Variants in MYO5B observed in about 807,000 individuals in gnomAD.
MYO5B encodes the protein myosin VB.
In MYO5B, 143 loss-of-function variants were observed where a neutral mutation model predicts 229.3. The ratio of observed to expected loss-of-function variants is 0.62; its 90% CI spans 0.54 to 0.72. The LOEUF (loss-of-function observed/expected upper bound fraction) is 0.72, where lower values mean the gene tolerates loss of function less well. Ranked by LOEUF, MYO5B falls within the 30% of genes least tolerant of loss-of-function variation. MYO5B has a pLI of 0.00. For missense variants in MYO5B, 2,321 were observed against 2,331.0 expected, an observed-to-expected ratio of 1.00 and a Z score of 0.09; for synonymous variants, 918 against 885.2, an observed-to-expected ratio of 1.04 and a Z score of -0.66.
chr18:49,823,833 G>A lies in MYO5B; in HGVS notation c.*2638C>T, dbSNP rs537047990. On this transcript the variant is annotated 3_prime_UTR_variant, in exon 40 of 40. Coordinates refer to ENST00000285039, the MANE Select transcript of MYO5B (RefSeq NM_001080467.3). ...CATTTACTATAAGTAAACAGGTCCCGTATAATACTTAAAACACAAGTTTTG... is the reference window on the plus strand; with the variant it reads ...CATTTACTATAAGTAAACAGGTCCCATATAATACTTAAAACACAAGTTTTG... 1 of 152,622 alleles carries A rather than the reference G, an allele frequency of 6.6e-6. No individual in the cohort carries two copies. The highest frequency in any genetic ancestry group is 6.5e-5 in the Admixed American group (1 of 15,294). The allele number at this position is 152,622 out of a possible 1,614,324, so 9.5% of individuals were successfully genotyped here. A position where few individuals can be genotyped will look rare whatever the true frequency, so the allele number is the denominator to read the frequency against.
In MYO5B at chr18:49,956,063, A is replaced by G. The variant is rs537480568; in HGVS notation, c.1546-1628T>C. 5.9e-5 allele frequency among the ~76,000 whole-genome samples: 9 copies of G among 152,332 alleles called. No individual in the cohort carries two copies. The South Asian group carries it at 1.9e-3, about 32-fold the overall frequency. On this transcript the variant is annotated intron_variant, in intron 12 of 39. Transcript: ENST00000285039. The stretch of plus-strand genomic sequence containing the variant: ...TATTCACTAATTCAGATTGGCATGA[A>G]TTAATAAGCAGAGGAAACCAACAAC...
chr18:49,862,469 G>A (rs932261927), intron 29 of MYO5B, among the ~76,000 whole-genome samples: 7 of 152,192 alleles, frequency 4.6e-5, no homozygotes, highest in Non-Finnish European at 1.0e-4. Context: ...GAAGGATGCC[G>A]CTATGGCTGT....
chr18:49,968,981 C>T lies in MYO5B; in HGVS notation c.1322+5369G>A, dbSNP rs540366615. Among the ~76,000 whole-genome samples, 15 of 152,272 alleles carry T rather than the reference C, an allele frequency of 9.9e-5. No homozygotes were observed. The East Asian group carries it at 1.4e-3, about 14-fold the overall frequency. Reference sequence around the variant, plus strand: ...TCCAAAGGGCCACCTCAGAACAATTCGGGAAGGTGGAGCCTGGCTTTAGAG... The same window carrying T: ...TCCAAAGGGCCACCTCAGAACAATTTGGGAAGGTGGAGCCTGGCTTTAGAG... On this transcript the variant is annotated intron_variant, in intron 10 of 39. Coordinates refer to ENST00000285039, the MANE Select transcript of MYO5B (RefSeq NM_001080467.3).
intron 37 of MYO5B, 70 bp downstream of exon 37, chr18:49,837,447 T>A (rs1173664491): frequency 6.4e-7 from 1 of 1,558,564 alleles, no homozygotes; most frequent in Non-Finnish European, 8.8e-7. Flanking sequence ...AGCAGTCTTG[T>A]GTTCTGATTC....
At chr18:49,994,435 A>G (rs1178708812) in intron 5 of MYO5B, among the ~76,000 whole-genome samples, 1 of 152,248 alleles carries the variant, frequency 6.6e-6, no homozygotes, top group Non-Finnish European at 1.5e-5. Context: ...TGGAGTCACA[A>G]TATACACTTT....
intron 1 of MYO5B, among the ~76,000 whole-genome samples, chr18:50,185,915 C>T (rs1368264944): frequency 1.3e-5 from 2 of 152,124 alleles, no homozygotes; most frequent in African/African-American, 2.4e-5. Context: ...TGGCATGATC[C>T]CATTTGTTTT....
At chr18:49,913,982 C>T (rs146931338) in intron 17 of MYO5B, among the ~76,000 whole-genome samples, 260 of 152,164 alleles carry the variant, frequency 1.7e-3, no homozygotes, top group African/African-American at 5.9e-3. Context: ...CTGCTTCCAG[C>T]TCCCCATCCA....
chr18:49,869,158 G>C (rs1002291265), intron 27 of MYO5B, among the ~76,000 whole-genome samples: 4 of 152,224 alleles, frequency 2.6e-5, no homozygotes, highest in African/African-American at 9.7e-5. Context: ...GGAGGGCACA[G>C]TACACTTCCC....
chr18:49,835,549 A>G (rs1178103148), intron 38 of MYO5B, 125 bp from the exon 39 acceptor site: 1 of 710,344 alleles, frequency 1.4e-6, no homozygotes, highest in East Asian at 2.6e-5. Context: ...CACAACACAG[A>G]TGGAGCTGGA....
chr18:49,930,941 C>G (rs11082792), intron 16 of MYO5B, among the ~76,000 whole-genome samples: 10,977 of 151,478 alleles, frequency 0.072, 917 homozygotes, highest in East Asian at 0.3. Context: ...AGCAAGACAT[C>G]ACCATTGTCT....
At chr18:49,943,621 T>C (rs1194922987) in intron 14 of MYO5B, among the ~76,000 whole-genome samples, 2 of 152,196 alleles carry the variant, frequency 1.3e-5, no homozygotes, top group Admixed American at 6.5e-5. Context: ...ATTCATTCAT[T>C]CATCCACACA....
Position 50,139,766 on chromosome 18 carries a change from C to T in MYO5B, c.27+55001G>A, listed in dbSNP as rs898448889. On this transcript the variant is annotated intron_variant, in intron 1 of 39. Transcript: ENST00000285039. ...GCAGCCCACCAGCTCCAAAGCAAAG[C>T]AGCAGGTCCGGCAGGCAGAACCACC... is the stretch of plus-strand genomic sequence containing the variant. Among the ~76,000 whole-genome samples, 6 of 152,146 alleles carry T rather than the reference C, an allele frequency of 3.9e-5. 1 individual carries two copies. Among genetic ancestry groups the T allele is most frequent in the Middle Eastern group, 3.2e-3 (1 of 316 alleles).
rs776347920 is a variant in MYO5B, at chr18:50,055,339, G to C, written c.67C>G (p.Arg23Gly). ...VWIPDPDEVW[R>G]SAELTKDYKE... ...TAGTCCTTGGTTAACTCAGCTGAGC[G>C]CCATACCTCATCAGGGTCAGGGATC... The change falls in exon 2 of 40, where the codon CGC becomes GGC. Residue 23 changes from arginine (R) to glycine (G), a missense_variant. Transcript: ENST00000285039. 8.7e-6 allele frequency: 14 copies of C among 1,613,256 alleles called. No homozygotes were observed. Among genetic ancestry groups the C allele is most frequent in the Non-Finnish European group, 1.2e-5 (14 of 1,179,936 alleles).
rs2025467858 is a variant in MYO5B at position 49,954,366 on chromosome 18, G to A, written c.1615C>T (p.Gln539Ter). 2 of 1,614,098 alleles carry A rather than the reference G, an allele frequency of 1.2e-6. No individual in the cohort carries two copies. Among genetic ancestry groups the A allele is most frequent in the Non-Finnish European group, 8.5e-7 (1 of 1,179,990 alleles). ...YDRHSSSQHFQKPRMSNTAFI... is the reference protein window; with the variant it reads ...YDRHSSSQHF ...GCCGTGTTGGACATGCGGGGCTTCT[G>A]GAAGTGCTGGCTGCTGGAGTGCCGG... Residue 539 changes from glutamine (Q) to a stop codon, truncating the protein, a stop_gained, in exon 13 of 40, where the codon CAG (glutamine) becomes TAG (stop). Transcript: ENST00000285039. LOFTEE classifies it high-confidence loss of function.
chr18:50,037,463 A>T (rs959590443), intron 3 of MYO5B, among the ~76,000 whole-genome samples: 1 of 152,220 alleles, frequency 6.6e-6, no homozygotes, highest in Admixed American at 6.5e-5. Flanking sequence ...TACAATTTAC[A>T]TATCTTGAGA....
In MYO5B at chr18:49,902,735, G is replaced by T; in HGVS notation, c.2670C>A (p.Ile890=). 1 of 1,609,738 alleles carries T rather than the reference G, an allele frequency of 6.2e-7. No individual in the cohort carries two copies. Residue 890 remains isoleucine (I), a synonymous_variant, in exon 21 of 40, where the codon ATC becomes ATA. Coordinates refer to ENST00000285039, the MANE Select transcript of MYO5B (RefSeq NM_001080467.3). ...FQRLRDAAIV[I]QCAFRMLKAR... ...CCTTGAGCATCCGGAAGGCACACTG[G>T]ATGACAATGGCTGCATCCCGCAGCC... is the stretch of plus-strand genomic sequence containing the variant.
intron 1 of MYO5B, among the ~76,000 whole-genome samples, chr18:50,091,499 G>A (rs540772050): frequency 3.3e-5 from 5 of 152,182 alleles, no homozygotes; most frequent in South Asian, 4.2e-4. Flanking sequence ...TCTCATCCCC[G>A]AATCCTTACA....
intron 23 of MYO5B, among the ~76,000 whole-genome samples, chr18:49,879,911 A>G (rs1476484906): frequency 6.6e-6 from 1 of 152,256 alleles, no homozygotes; most frequent in African/African-American, 2.4e-5. Flanking sequence ...GCGTGGATGG[A>G]CATGAAAGAC....
rs148458665 is a variant in MYO5B at position 50,103,319 on chromosome 18, C to T, written c.28-47941G>A. On this transcript the variant is annotated intron_variant, in intron 1 of 39. Coordinates refer to ENST00000285039, the MANE Select transcript of MYO5B (RefSeq NM_001080467.3). The stretch of plus-strand genomic sequence containing the variant: ...ATTCTACCAACCTAAACTATGGAGG[C>T]TGGGAAGGGTAAAAGACACTCTATC... 3.3e-3 allele frequency among the ~76,000 whole-genome samples: 495 copies of T among 151,892 alleles called. 3 individuals carry two copies. The highest frequency in any genetic ancestry group is 0.012 in the African/African-American group (476 of 41,146).
Sources: allele counts gnomAD v4.1 joint callset (sites outside exome capture counted in the v4.1 genomes callset), GRCh38; gene constraint gnomAD v4.1.1; transcripts MANE v1.5; gene names NCBI Gene and HGNC (gene_info 2026-07-23, HGNC 2026-07-21).